Variants in EML6 observed in about 807,000 individuals in gnomAD.
EML6 encodes the protein echinoderm microtubule-associated protein-like 6.
EML6 carries 154 observed loss-of-function variants against 240.1 expected under a neutral mutation model. The observed-to-expected ratio is 0.64, with a 90% CI of 0.56 to 0.73. The LOEUF is 0.73. Among genes scored for constraint, EML6 ranks in the 30% least tolerant of loss-of-function variants. EML6 has a pLI of 0.00. For synonymous variants in EML6, 1,148 were observed against 899.0 expected (o/e 1.28, Z -4.95); for missense variants, 2,964 against 2,474.6 (o/e 1.20, Z -4.20).
chr2:54,822,195 TAAC>T (rs1439955492), intron 5 of EML6, among the ~76,000 whole-genome samples: 1 of 152,168 alleles, frequency 6.6e-6, no homozygotes, highest in African/African-American at 2.4e-5. Context: ...AATTTTAAAA[TAAC>T]AGCATTTTAA....
Position 54,916,751 on chromosome 2 carries a change from T to C in EML6, c.3499-8T>C. Reference sequence around the variant, plus strand: ...GCAAAAATATCATTCTCTTTCGTTCTTTTTCAGATCGAGAAGATAGAGTGG... The same window carrying C: ...GCAAAAATATCATTCTCTTTCGTTCCTTTTCAGATCGAGAAGATAGAGTGG... On this transcript the variant is annotated splice_region_variant and splice_polypyrimidine_tract_variant and intron_variant, in intron 25 of 41. Transcript: ENST00000356458. The C allele has an allele frequency of 2.0e-6, 3 of 1,482,848 alleles. No homozygotes were observed. The highest frequency in any genetic ancestry group is 2.7e-6 in the Non-Finnish European group (3 of 1,101,802). 91.9% of individuals were successfully genotyped at this position (1,482,848 alleles called of 1,614,324 possible). A position where few individuals can be genotyped will look rare whatever the true frequency, so the allele number is the denominator to read the frequency against.
chr2:54,966,256 T>C (rs1276310322), intron 38 of EML6, among the ~76,000 whole-genome samples: 1 of 152,220 alleles, frequency 6.6e-6, no homozygotes, highest in Non-Finnish European at 1.5e-5. Flanking sequence ...GCAAGTGATA[T>C]TTAAGCTGAG....
intron 16 of EML6, among the ~76,000 whole-genome samples, chr2:54,876,834 T>G (rs946144346): frequency 2.6e-5 from 4 of 152,196 alleles, no homozygotes; most frequent in Non-Finnish European, 5.9e-5. Flanking sequence ...CATTTCTTTG[T>G]GGTGATAACA....
At chr2:54,957,238 C>G (rs115770602) in intron 32 of EML6, among the ~76,000 whole-genome samples, 1 of 145,178 alleles carries the variant, frequency 6.9e-6, no homozygotes, top group Non-Finnish European at 1.5e-5. Flanking sequence ...ACTCAGGAGA[C>G]ATAAATAAAT....
intron 28 of EML6, among the ~76,000 whole-genome samples, chr2:54,931,111 C>A (rs976580675): frequency 6.6e-6 from 1 of 152,114 alleles, no homozygotes; most frequent in African/African-American, 2.4e-5. Flanking sequence ...GCGCCCGCCA[C>A]CATGCCCGGC....
intron 2 of EML6, among the ~76,000 whole-genome samples, chr2:54,742,851 C>G (rs1436184812): frequency 6.6e-6 from 1 of 152,136 alleles, no homozygotes; most frequent in Admixed American, 6.5e-5. Flanking sequence ...TTTTTTCACA[C>G]GTAAGTCCTC....
intron 16 of EML6, among the ~76,000 whole-genome samples, chr2:54,875,944 T>C (rs1033651290): frequency 6.6e-6 from 1 of 152,174 alleles, no homozygotes; most frequent in South Asian, 2.1e-4. Context: ...AAGACTTGAT[T>C]TCATTGTGTT....
intron 16 of EML6, among the ~76,000 whole-genome samples, chr2:54,877,598 G>A (rs1671578043): frequency 6.6e-6 from 1 of 152,188 alleles, no homozygotes; most frequent in African/African-American, 2.4e-5. Flanking sequence ...TGAATAGGAA[G>A]TCATTACCAA....
chr2:54,911,778 C>T (rs372025727), intron 25 of EML6, among the ~76,000 whole-genome samples: 1 of 152,152 alleles, frequency 6.6e-6, no homozygotes, highest in Admixed American at 6.5e-5. Flanking sequence ...GCAATCTGAC[C>T]ATTGTATTGT....
At chr2:54,758,139 C>G (rs115836278) in intron 2 of EML6, among the ~76,000 whole-genome samples, 1,787 of 152,196 alleles carry the variant, frequency 0.012, 42 homozygotes, top group African/African-American at 0.041. Flanking sequence ...CATGTGATAT[C>G]TACACCTTCA....
At chr2:54,808,338 T>A in intron 2 of EML6, among the ~76,000 whole-genome samples, 1 of 152,110 alleles carries the variant, frequency 6.6e-6, no homozygotes, top group Non-Finnish European at 1.5e-5. Flanking sequence ...CAGATGAACA[T>A]CCACTGAGGT....
In EML6 at chr2:54,970,122, C is replaced by G. The variant is rs934465398; in HGVS notation, c.*27C>G. ...ATGCCAGAAGCCTCTTATGTTATTG[C>G]TGCTGCTGCTACCAGCCAGCAACTG... On this transcript the variant is annotated 3_prime_UTR_variant, in exon 42 of 42. Transcript: ENST00000356458. The G allele has an allele frequency of 2.5e-5, 38 of 1,549,262 alleles. No individual in the cohort carries two copies. The Admixed American group carries it at 4.1e-4, about 17-fold the overall frequency.
intron 2 of EML6, among the ~76,000 whole-genome samples, chr2:54,794,640 A>G (rs1193543280): frequency 1.3e-5 from 2 of 152,162 alleles, no homozygotes; most frequent in African/African-American, 2.4e-5. Flanking sequence ...CCCTTGCATA[A>G]TGCCCCTTTT....
rs745832086 is a variant in EML6, at chr2:54,971,924, T to G, written c.*1829T>G. The G allele has an allele frequency of 6.6e-6, 1 of 152,246 alleles. No individual in the cohort carries two copies. Among genetic ancestry groups the G allele is most frequent in the African/African-American group, 2.4e-5 (1 of 41,456 alleles). 9.4% of individuals were successfully genotyped at this position (152,246 alleles called of 1,614,324 possible). A position where few individuals can be genotyped will look rare whatever the true frequency, so the allele number is the denominator to read the frequency against. ...TGTTCATAAATCCTGCACTGTATGA[T>G]ATATGTGAGTTAAAACATTGGTGCA... is the stretch of plus-strand genomic sequence containing the variant. On this transcript the variant is annotated 3_prime_UTR_variant, in exon 42 of 42. Transcript: ENST00000356458.
chr2:54,946,631 A>G (rs944088562), intron 28 of EML6, among the ~76,000 whole-genome samples: 4 of 152,170 alleles, frequency 2.6e-5, no homozygotes, highest in Non-Finnish European at 4.4e-5. Flanking sequence ...TAATACTTGT[A>G]TTGTGTTTTA....
At chr2:54,831,191 T>A (rs1344732797) in intron 7 of EML6, among the ~76,000 whole-genome samples, 1 of 152,174 alleles carries the variant, frequency 6.6e-6, no homozygotes, top group Non-Finnish European at 1.5e-5. Flanking sequence ...ACTTGCCAGA[T>A]GGGATTAGTG....
chr2:54,946,547 G>A (rs961580518), intron 28 of EML6, among the ~76,000 whole-genome samples: 35 of 152,200 alleles, frequency 2.3e-4, no homozygotes, highest in Admixed American at 2.2e-3. Flanking sequence ...GTTTGGCTAC[G>A]TGTGAAGTCT....
At chr2:54,917,358 G>GTTTTTT (rs147785699) in intron 26 of EML6, among the ~76,000 whole-genome samples, 14 of 123,810 alleles carry the variant, frequency 1.1e-4, no homozygotes, top group Non-Finnish European at 1.5e-4. Context: ...TTTTTTTTTT[G>GTTTTTT]TTTTTTTTTT....
intron 7 of EML6, among the ~76,000 whole-genome samples, chr2:54,839,265 A>G (rs1669317676): frequency 1.3e-5 from 2 of 152,226 alleles, no homozygotes; most frequent in Admixed American, 6.5e-5. Context: ...CAGAAGAACA[A>G]TTAGGTTAAA....
Sources: gnomAD v4.1 joint callset for allele counts (sites outside exome capture counted in the v4.1 genomes callset) on GRCh38, gnomAD v4.1.1 for gene constraint, MANE v1.5 for transcripts, NCBI Gene and HGNC (gene_info 2026-07-23, HGNC 2026-07-21) for gene names.